The following LHFPL2 variants were observed in gnomAD, a reference collection of about 807,000 sequenced individuals.
LHFPL2 encodes LHFPL tetraspan subfamily member 2, also known as LHFPL tetraspan subfamily member 2 protein.
LHFPL2 carries 7 observed loss-of-function variants against 17.5 expected under a neutral mutation model. The ratio of observed to expected loss-of-function variants is 0.40; its 90% confidence interval spans 0.23 to 0.75. The LOEUF (loss-of-function observed/expected upper bound fraction) is 0.75, where lower values mean the gene tolerates loss of function less well. Among genes scored for constraint, LHFPL2 ranks in the 30% least tolerant of loss-of-function variants. The pLI, the probability that LHFPL2 is intolerant of heterozygous loss-of-function variation, is 0.37. For synonymous variants in LHFPL2, 134 were observed against 116.2 expected (o/e 1.15, Z -0.99); for missense variants, 241 against 294.8 (o/e 0.82, Z 1.34).
chr5:78,576,266 G>GC (rs1316378058), intron 2 of LHFPL2, among the ~76,000 whole-genome samples: 3 of 151,062 alleles, frequency 2.0e-5, no homozygotes, highest in African/African-American at 7.3e-5. Flanking sequence ...CTGCACTCCA[G>GC]CCTGGGCAAC....
chr5:78,593,742 GAACC>G (rs1273223294), intron 2 of LHFPL2, among the ~76,000 whole-genome samples: 18 of 152,188 alleles, frequency 1.2e-4, no homozygotes, highest in African/African-American at 4.3e-4. Context: ...GTGTGTGGAA[GAACC>G]TGAGAGCTCC....
intron 2 of LHFPL2, among the ~76,000 whole-genome samples, chr5:78,630,446 A>G (rs948074411): frequency 7.2e-5 from 11 of 152,204 alleles, no homozygotes; most frequent in Non-Finnish European, 1.5e-4. Flanking sequence ...TTATTTTTCA[A>G]GTATGATAGA....
intron 3 of LHFPL2, chr5:78,549,128 C>T (rs1445747402): frequency 1.3e-5 from 2 of 152,194 alleles, no homozygotes; most frequent in African/African-American, 2.4e-5. Context: ...CGCAGGAAGG[C>T]CCACAAAGGC....
intron 3 of LHFPL2, among the ~76,000 whole-genome samples, chr5:78,550,564 T>TTTTA (rs71001113): frequency 0.36 from 53,978 of 150,704 alleles, 10,619 homozygotes; most frequent in Non-Finnish European, 0.46. Context: ...TTTTATTTAT[T>TTTTA]TTTATTTATT....
chr5:78,565,381 A>G (rs1006800490), intron 2 of LHFPL2, among the ~76,000 whole-genome samples: 1 of 152,260 alleles, frequency 6.6e-6, no homozygotes, highest in African/African-American at 2.4e-5. Flanking sequence ...CCATTTTTAG[A>G]AAAACCCTAA....
intron 1 of LHFPL2, among the ~76,000 whole-genome samples, chr5:78,639,133 C>A (rs976526338): frequency 1.3e-5 from 2 of 152,184 alleles, no homozygotes; most frequent in African/African-American, 4.8e-5. Flanking sequence ...CCTGTCCACA[C>A]AGGTGTACAC....
chr5:78,588,339 A>G (rs780348967), intron 2 of LHFPL2, among the ~76,000 whole-genome samples: 1 of 152,212 alleles, frequency 6.6e-6, no homozygotes, highest in Admixed American at 6.5e-5. Flanking sequence ...CCCAGCTTAT[A>G]TCTTAAAAAA....
chr5:78,606,169 C>T (rs564343193), intron 2 of LHFPL2, among the ~76,000 whole-genome samples: 16 of 152,174 alleles, frequency 1.1e-4, no homozygotes, highest in Non-Finnish European at 2.1e-4. Context: ...TTATGCCAGT[C>T]CCTAAACATT....
chr5:78,531,250 T>TA (rs945328252), intron 3 of LHFPL2, among the ~76,000 whole-genome samples: 15 of 150,996 alleles, frequency 9.9e-5, no homozygotes, highest in Admixed American at 2.0e-4. Context: ...ACCCCGTCTC[T>TA]ACTTAAAATA....
intron 1 of LHFPL2, among the ~76,000 whole-genome samples, chr5:78,632,977 AAAAG>A (rs1156496186): frequency 7.9e-5 from 12 of 152,184 alleles, no homozygotes; most frequent in Admixed American, 2.0e-4. Flanking sequence ...CACAGTTCAC[AAAAG>A]AAAGAAGTTG....
At chr5:78,496,754 GATC>G (rs1754620205) in intron 4 of LHFPL2, among the ~76,000 whole-genome samples, 1 of 152,218 alleles carries the variant, frequency 6.6e-6, no homozygotes, top group Non-Finnish European at 1.5e-5. Context: ...ATGAATTTAA[GATC>G]ATCAGCCAGT....
intron 2 of LHFPL2, among the ~76,000 whole-genome samples, chr5:78,607,770 C>T (rs1161725018): frequency 2.0e-5 from 3 of 152,168 alleles, no homozygotes; most frequent in African/African-American, 7.2e-5. Context: ...AGTAAGTTTA[C>T]AAAGAAAAGT....
chr5:78,603,030 A>T (rs1030379981), intron 2 of LHFPL2, among the ~76,000 whole-genome samples: 4 of 152,166 alleles, frequency 2.6e-5, no homozygotes, highest in Non-Finnish European at 5.9e-5. Context: ...AGCTGGGACT[A>T]CAGGCGCGTG....
In LHFPL2 at chr5:78,530,710, C is replaced by G. The variant is rs150177352; in HGVS notation, c.-185-20312G>C. ...TCATAAGACTCTGACCACACAGACT[C>G]ATCCTTGGTCACCAACAACACCTGT... On this transcript the variant is annotated intron_variant, in intron 3 of 4. Coordinates refer to ENST00000380345, the MANE Select transcript of LHFPL2 (RefSeq NM_005779.3). Among the ~76,000 whole-genome samples the G allele has an allele frequency of 6.9e-3, 1,057 of 152,314 alleles. 1 individual carries two copies. Among genetic ancestry groups the G allele is most frequent in the Non-Finnish European group, 0.012 (787 of 68,020 alleles).
chr5:78,645,540 G>T (rs1016242953), intron 1 of LHFPL2, among the ~76,000 whole-genome samples: 1 of 86,256 alleles, frequency 1.2e-5, no homozygotes, highest in East Asian at 3.4e-4. Flanking sequence ...ACAGACAGAT[G>T]CATACACACA....
At chr5:78,498,334 A>G (rs951579139) in intron 4 of LHFPL2, among the ~76,000 whole-genome samples, 1 of 152,114 alleles carries the variant, frequency 6.6e-6, no homozygotes, top group Non-Finnish European at 1.5e-5. Context: ...TCAAGTGTAC[A>G]ACAACTGGTG....
At chr5:78,615,781 G>C (rs1359158394) in intron 2 of LHFPL2, among the ~76,000 whole-genome samples, 1 of 152,126 alleles carries the variant, frequency 6.6e-6, no homozygotes, top group Non-Finnish European at 1.5e-5. Context: ...AAGTATAAAT[G>C]ACTAAGAAGG....
At chr5:78,603,746 A>T (rs575973574) in intron 2 of LHFPL2, among the ~76,000 whole-genome samples, 23 of 152,324 alleles carry the variant, frequency 1.5e-4, no homozygotes, top group East Asian at 3.9e-4. Flanking sequence ...AAAAATTTTT[A>T]AAAAAACACA....
At chr5:78,557,305 T>G (rs1756597244) in intron 3 of LHFPL2, among the ~76,000 whole-genome samples, 1 of 152,208 alleles carries the variant, frequency 6.6e-6, no homozygotes, top group Non-Finnish European at 1.5e-5. Flanking sequence ...CCTGCCAGTT[T>G]CCAGATGAAT....
Sources: gnomAD v4.1 joint callset for allele counts (sites outside exome capture counted in the v4.1 genomes callset) on GRCh38, gnomAD v4.1.1 for gene constraint, MANE v1.5 for transcripts, NCBI Gene and HGNC (gene_info 2026-07-23, HGNC 2026-07-21) for gene names.